The following MACROD2 variants were observed in gnomAD, a reference collection of about 807,000 sequenced individuals.
MACROD2 encodes mono-ADP ribosylhydrolase 2.
In MACROD2, 36 loss-of-function variants were observed where a neutral mutation model predicts 70.4. The observed-to-expected ratio is 0.51, with a 90% CI of 0.39 to 0.68. The LOEUF (loss-of-function observed/expected upper bound fraction) is 0.68, where lower values mean the gene tolerates loss of function less well. Ranked by LOEUF, MACROD2 falls within the 30% of genes least tolerant of loss-of-function variation. The pLI is 0.00. For missense variants in MACROD2, 496 were observed against 538.4 expected (o/e 0.92, Z 0.78); for synonymous variants, 172 against 178.8 (o/e 0.96, Z 0.30).
At chr20:14,062,254 T>G (rs1180624402) in intron 2 of MACROD2, among the ~76,000 whole-genome samples, 1 of 152,188 alleles carries the variant, frequency 6.6e-6, no homozygotes, top group Non-Finnish European at 1.5e-5. Context: ...TTTTACTTTC[T>G]TTAGTAAATG....
chr20:14,968,556 G>T (rs541390712), intron 5 of MACROD2, among the ~76,000 whole-genome samples: 1 of 152,192 alleles, frequency 6.6e-6, no homozygotes. Flanking sequence ...CAACCTGGAC[G>T]TGATTCTCCT....
intron 7 of MACROD2, among the ~76,000 whole-genome samples, chr20:15,496,147 G>T (rs1429920294): frequency 6.6e-6 from 1 of 152,224 alleles, no homozygotes; most frequent in Non-Finnish European, 1.5e-5. Context: ...GCTAGAGTCG[G>T]CTTCAAATGA....
At chr20:14,930,148 T>C (rs1433533483) in intron 5 of MACROD2, among the ~76,000 whole-genome samples, 365 of 83,816 alleles carry the variant, frequency 4.4e-3, no homozygotes, top group African/African-American at 0.013. Context: ...GGTGAGAGAG[T>C]GAGACTCCGT....
chr20:14,960,309 G>A (rs537453026), intron 5 of MACROD2, among the ~76,000 whole-genome samples: 4 of 152,120 alleles, frequency 2.6e-5, no homozygotes, highest in East Asian at 1.9e-4. Flanking sequence ...TGGATGCTTC[G>A]TCATATCACT....
chr20:15,313,161 G>T (rs1183743104), intron 6 of MACROD2, among the ~76,000 whole-genome samples: 1 of 151,928 alleles, frequency 6.6e-6, no homozygotes, highest in African/African-American at 2.4e-5. Flanking sequence ...TTTCTGAAAA[G>T]CATAAATTTC....
chr20:14,161,745 C>T (rs1055996534), intron 3 of MACROD2, among the ~76,000 whole-genome samples: 1 of 151,902 alleles, frequency 6.6e-6, no homozygotes, highest in Non-Finnish European at 1.5e-5. Context: ...CCACCACACC[C>T]GTTATTTATA....
At chr20:14,028,748 A>C (rs12479467) in intron 2 of MACROD2, among the ~76,000 whole-genome samples, 23,060 of 151,956 alleles carry the variant, frequency 0.15, 1,947 homozygotes, top group Admixed American at 0.22. Flanking sequence ...TCCCTCTGTC[A>C]ACCAGTCCCA....
intron 15 of MACROD2, among the ~76,000 whole-genome samples, chr20:16,019,941 A>G (rs569846968): frequency 6.6e-6 from 1 of 152,276 alleles, no homozygotes; most frequent in South Asian, 2.1e-4. Context: ...TCAGTCCTGA[A>G]GCCCTGACTG....
At chr20:14,941,101 T>C (rs2074385904) in intron 5 of MACROD2, among the ~76,000 whole-genome samples, 1 of 152,158 alleles carries the variant, frequency 6.6e-6, no homozygotes, top group Admixed American at 6.5e-5. Flanking sequence ...TTTTTATTTC[T>C]TCATAGTTCA....
At chr20:14,055,056 A>G (rs893785223) in intron 2 of MACROD2, among the ~76,000 whole-genome samples, 2 of 152,166 alleles carry the variant, frequency 1.3e-5, no homozygotes, top group Non-Finnish European at 2.9e-5. Context: ...CTGCTGTACC[A>G]AAGCTAGTTT....
rs148015300 is a variant in MACROD2, at chr20:15,731,069, A to G, written c.646-131676A>G. Among the ~76,000 whole-genome samples the G allele has an allele frequency of 1.0e-3, 61 of 58,116 alleles. 20 individuals carry two copies. The East Asian group carries it at 0.011, about 10-fold the overall frequency. The allele number at this position is 58,116 out of a possible 152,430, so 38.1% of individuals were successfully genotyped here. On this transcript the variant is annotated intron_variant, in intron 8 of 17. Transcript: ENST00000684519. Reference sequence around the variant, plus strand: ...AAATGTCTATTACATCTTTTATCTCATATATCATTTCATTGTATTGCTTAG... The same window carrying G: ...AAATGTCTATTACATCTTTTATCTCGTATATCATTTCATTGTATTGCTTAG...
chr20:15,180,587 C>T (rs182186239), intron 5 of MACROD2, among the ~76,000 whole-genome samples: 6 of 152,288 alleles, frequency 3.9e-5, no homozygotes, highest in African/African-American at 9.6e-5. Context: ...TTGCATGCAC[C>T]GTGCCCTCTC....
intron 5 of MACROD2, among the ~76,000 whole-genome samples, chr20:15,197,871 A>G (rs1384392777): frequency 1.4e-5 from 2 of 146,898 alleles, no homozygotes; most frequent in African/African-American, 5.0e-5. Context: ...TAATTTTTAT[A>G]TTTTTTGTAG....
chr20:14,253,771 A>G (rs1312372893), intron 3 of MACROD2, among the ~76,000 whole-genome samples: 1 of 151,958 alleles, frequency 6.6e-6, no homozygotes, highest in African/African-American at 2.4e-5. Context: ...ACATCTTTGA[A>G]CTTCATAGGC....
chr20:14,461,509 T>A (rs1436761047), intron 3 of MACROD2, among the ~76,000 whole-genome samples: 1 of 152,006 alleles, frequency 6.6e-6, no homozygotes, highest in Non-Finnish European at 1.5e-5. Flanking sequence ...GGTCTTTTTT[T>A]TTTATTATAC....
Position 14,194,854 on chromosome 20 carries a change from A to G in MACROD2, c.271+109126A>G, listed in dbSNP as rs551325844. Among the ~76,000 whole-genome samples, 37 of 152,366 alleles carry G rather than the reference A, an allele frequency of 2.4e-4. 1 individual carries two copies. The South Asian group carries it at 6.8e-3, about 28-fold the overall frequency. ...TATTACCTAATCAAGCAGTGTAAAC[A>G]TACCAACAAGCTTGAGACAGTCTTT... is the stretch of plus-strand genomic sequence containing the variant. On this transcript the variant is annotated intron_variant, in intron 3 of 17. Coordinates refer to ENST00000684519, the MANE Select transcript of MACROD2 (RefSeq NM_001351661.2).
intron 7 of MACROD2, among the ~76,000 whole-genome samples, chr20:15,439,635 G>A (rs2046470269): frequency 2.0e-5 from 3 of 152,120 alleles, no homozygotes; most frequent in Admixed American, 2.0e-4. Flanking sequence ...TCCTCCATGT[G>A]ATTAACCTGA....
At position 15,401,098 on chromosome 20, in the gene MACROD2, C is replaced by T. The variant is rs568574439; in HGVS notation, c.541-30307C>T. Among the ~76,000 whole-genome samples the T allele has an allele frequency of 2.2e-3, 328 of 151,478 alleles. 1 individual carries two copies. The highest frequency in any genetic ancestry group is 7.6e-3 in the African/African-American group (313 of 41,254). On this transcript the variant is annotated intron_variant, in intron 6 of 17. Coordinates refer to ENST00000684519, the MANE Select transcript of MACROD2 (RefSeq NM_001351661.2). ...TGTCGCCCAGGCTGGAGTGCAGTGGCGCCATCTCAGCTCACTGCAAGCTCC... is the reference window on the plus strand; with the variant it reads ...TGTCGCCCAGGCTGGAGTGCAGTGGTGCCATCTCAGCTCACTGCAAGCTCC...
intron 3 of MACROD2, among the ~76,000 whole-genome samples, chr20:14,396,510 C>T (rs1049661413): frequency 3.3e-5 from 5 of 152,062 alleles, no homozygotes; most frequent in Admixed American, 2.0e-4. Flanking sequence ...CTTTTATAGC[C>T]GTTCCGATTT....
Sources: gnomAD v4.1 joint callset for allele counts (sites outside exome capture counted in the v4.1 genomes callset) on GRCh38, gnomAD v4.1.1 for gene constraint, MANE v1.5 for transcripts, NCBI Gene and HGNC (gene_info 2026-07-23, HGNC 2026-07-21) for gene names.